The following SNTG1 variants were observed in gnomAD, a reference collection of about 807,000 sequenced individuals.
SNTG1 encodes gamma-1-syntrophin.
SNTG1 carries 39 observed loss-of-function variants against 74.7 expected under a neutral mutation model. That is an observed-to-expected ratio of 0.52 (90% CI 0.40 to 0.68). The LOEUF (loss-of-function observed/expected upper bound fraction) is 0.68. SNTG1 is among the 30% of genes least tolerant of loss of function. The pLI is 0.00. For missense variants in SNTG1, 685 were observed against 609.5 expected, an observed-to-expected ratio of 1.12 and a Z score of -1.30; for synonymous variants, 254 against 217.1, an observed-to-expected ratio of 1.17 and a Z score of -1.49.
chr8:50,162,200 A>C lies in SNTG1; in HGVS notation c.-102-10361A>C, dbSNP rs371829410. 9.8e-5 allele frequency among the ~76,000 whole-genome samples: 15 copies of C among 152,294 alleles called. No homozygotes were observed. The South Asian group carries it at 1.7e-3, about 17-fold the overall frequency. ...GCAGCTCTGTGAATAACCTGAGAGC[A>C]GGAAAATAGTGTCACAAAGCCAATG... On this transcript the variant is annotated intron_variant, in intron 1 of 18. Coordinates refer to ENST00000642720, the MANE Select transcript of SNTG1 (RefSeq NM_018967.5).
intron 1 of SNTG1, among the ~76,000 whole-genome samples, chr8:50,020,304 G>A (rs1230754443): frequency 1.3e-5 from 2 of 152,024 alleles, no homozygotes; most frequent in Non-Finnish European, 2.9e-5. Context: ...ACTTTCTTGG[G>A]ATTGGTTTTG....
chr8:50,666,806 T>C (rs1298496786), intron 15 of SNTG1, among the ~76,000 whole-genome samples: 1 of 151,870 alleles, frequency 6.6e-6, no homozygotes, highest in Non-Finnish European at 1.5e-5. Context: ...AAGGCATAAA[T>C]AGAAAAAATA....
At chr8:50,293,319 T>C (rs989908231) in intron 2 of SNTG1, among the ~76,000 whole-genome samples, 1 of 152,126 alleles carries the variant, frequency 6.6e-6, no homozygotes, top group African/African-American at 2.4e-5. Flanking sequence ...TGTCTTCACA[T>C]GGTTTTCCTT....
At chr8:50,546,467 G>A (rs911860526) in intron 11 of SNTG1, among the ~76,000 whole-genome samples, 1 of 151,850 alleles carries the variant, frequency 6.6e-6, no homozygotes, top group African/African-American at 2.4e-5. Context: ...GTGCCGTGTT[G>A]GTGTGCTGCA....
At chr8:50,146,894 T>C (rs2081890725) in intron 1 of SNTG1, among the ~76,000 whole-genome samples, 2 of 152,202 alleles carry the variant, frequency 1.3e-5, no homozygotes, top group African/African-American at 4.8e-5. Flanking sequence ...TTTAAGATTT[T>C]TTTATACATT....
intron 4 of SNTG1, among the ~76,000 whole-genome samples, chr8:50,414,565 C>G (rs1358143797): frequency 6.6e-6 from 1 of 152,090 alleles, no homozygotes; most frequent in Non-Finnish European, 1.5e-5. Flanking sequence ...AATCTTTATA[C>G]TTCGTCATCA....
intron 13 of SNTG1, among the ~76,000 whole-genome samples, chr8:50,618,539 A>T (rs145438893): frequency 6.6e-6 from 1 of 152,354 alleles, no homozygotes; most frequent in African/African-American, 2.4e-5. Context: ...AGCACACATT[A>T]CATAAGCTCA....
chr8:50,657,791 T>C (rs1308329175), intron 14 of SNTG1, among the ~76,000 whole-genome samples: 1 of 152,176 alleles, frequency 6.6e-6, no homozygotes, highest in African/African-American at 2.4e-5. Flanking sequence ...TTCTATATCC[T>C]AGTTATTGAG....
chr8:50,270,188 G>A (rs1455877045), intron 2 of SNTG1, among the ~76,000 whole-genome samples: 1 of 152,066 alleles, frequency 6.6e-6, no homozygotes, highest in Non-Finnish European at 1.5e-5. Context: ...AGAAAAAGAT[G>A]CAGGCCAGAT....
chr8:50,423,139 G>A (rs1308297081), intron 4 of SNTG1, among the ~76,000 whole-genome samples: 1 of 152,112 alleles, frequency 6.6e-6, no homozygotes, highest in Non-Finnish European at 1.5e-5. Context: ...TAAAAGAATG[G>A]AAATCCATAC....
At chr8:50,550,337 C>G (rs905320804) in intron 11 of SNTG1, among the ~76,000 whole-genome samples, 3 of 152,108 alleles carry the variant, frequency 2.0e-5, no homozygotes, top group Non-Finnish European at 4.4e-5. Flanking sequence ...AGCTCTTGCT[C>G]CTTGTGCATG....
intron 1 of SNTG1, among the ~76,000 whole-genome samples, chr8:49,970,927 T>G (rs1288733186): frequency 6.6e-6 from 1 of 152,162 alleles, no homozygotes; most frequent in East Asian, 1.9e-4. Flanking sequence ...GGCTGATGAA[T>G]TCTACCACAG....
chr8:49,918,046 C>T (rs1806198844), intron 1 of SNTG1, among the ~76,000 whole-genome samples: 1 of 152,170 alleles, frequency 6.6e-6, no homozygotes, highest in South Asian at 2.1e-4. Flanking sequence ...TTTCCCATTT[C>T]AATGACATTT....
rs1431108249 is a variant in SNTG1 at position 50,707,828 on chromosome 8, CAT to C, written c.1192-1057_1192-1056del. On this transcript the variant is annotated intron_variant, in intron 16 of 18. Coordinates refer to ENST00000642720, the MANE Select transcript of SNTG1 (RefSeq NM_018967.5). ...CTGGCTTATAGATGTAACAATACATCATGTCGTATATAAACCTTAAGTTTTTA... is the reference window on the plus strand; with the variant it reads ...CTGGCTTATAGATGTAACAATACATCGTCGTATATAAACCTTAAGTTTTTA... The C allele has an allele frequency of 1.1e-5, 4 of 370,612 alleles. No homozygotes were observed. The East Asian group carries it at 1.5e-4, about 14-fold the overall frequency. The allele number at this position is 370,612 out of a possible 1,614,324, so 23.0% of individuals were successfully genotyped here. A position where few individuals can be genotyped will look rare whatever the true frequency, so the allele number is the denominator to read the frequency against.
intron 1 of SNTG1, among the ~76,000 whole-genome samples, chr8:49,971,601 T>C (rs1339640284): frequency 6.6e-6 from 1 of 152,180 alleles, no homozygotes; most frequent in African/African-American, 2.4e-5. Context: ...GAAATGATTG[T>C]ATATCTGGAA....
At chr8:50,700,023 A>C (rs1235057835) in intron 15 of SNTG1, among the ~76,000 whole-genome samples, 1 of 152,174 alleles carries the variant, frequency 6.6e-6, no homozygotes, top group Non-Finnish European at 1.5e-5. Context: ...AATAAAAGAG[A>C]GGAGATTCAA....
At chr8:50,305,339 GA>G (rs2089843114) in intron 2 of SNTG1, among the ~76,000 whole-genome samples, 2 of 151,960 alleles carry the variant, frequency 1.3e-5, no homozygotes, top group South Asian at 4.2e-4. Flanking sequence ...TTGCTCGGGT[GA>G]TAAAACAGTT....
chr8:50,581,196 C>G (rs932960619), intron 12 of SNTG1, among the ~76,000 whole-genome samples: 72 of 152,254 alleles, frequency 4.7e-4, no homozygotes, highest in African/African-American at 1.6e-3. Context: ...TTATGATGTT[C>G]TTTTGTGTTA....
chr8:50,468,826 T>C (rs2093629372), intron 8 of SNTG1, among the ~76,000 whole-genome samples: 1 of 152,176 alleles, frequency 6.6e-6, no homozygotes, highest in African/African-American at 2.4e-5. Context: ...TAGTTTCCAT[T>C]ATGCGTTTTT....
Sources: allele counts gnomAD v4.1 joint callset (sites outside exome capture counted in the v4.1 genomes callset), GRCh38; gene constraint gnomAD v4.1.1; transcripts MANE v1.5; gene names NCBI Gene and HGNC (gene_info 2026-07-23, HGNC 2026-07-21).